Variants in PPP1CB observed in about 807,000 individuals in gnomAD.
The protein encoded by PPP1CB is serine/threonine-protein phosphatase PP1-beta catalytic subunit.
PPP1CB carries 2 observed loss-of-function variants against 43.7 expected under a neutral mutation model. The ratio of observed to expected loss-of-function variants is 0.05; its 90% confidence interval spans 0.02 to 0.14. The LOEUF is 0.14. PPP1CB is among the 10% of genes least tolerant of loss of function. The pLI, the probability that PPP1CB is intolerant of heterozygous loss-of-function variation, is 1.00. For synonymous variants in PPP1CB, 136 were observed against 135.6 expected (o/e 1.00, Z -0.02); for missense variants, 84 against 398.0 (o/e 0.21, Z 6.71).
intron 1 of PPP1CB, among the ~76,000 whole-genome samples, chr2:28,772,612 T>C (rs1380187540): frequency 6.6e-6 from 1 of 152,170 alleles, no homozygotes; most frequent in African/African-American, 2.4e-5. Flanking sequence ...CTGGAAATAA[T>C]CCAAATAGAG....
intron 1 of PPP1CB, among the ~76,000 whole-genome samples, chr2:28,760,683 T>A (rs1001654307): frequency 5.9e-5 from 9 of 152,194 alleles, no homozygotes; most frequent in African/African-American, 2.2e-4. Context: ...GAAATCAAAA[T>A]CTAAGTTTTC....
Position 28,752,228 on chromosome 2 carries a change from C to T in PPP1CB, c.52+52C>T, listed in dbSNP as rs1299306057. ...GAGGGAGGTCGGGCACCGCCGCCGACCCCTGCGTCCCCGTCTGCCGCCGGA... is the reference window on the plus strand; with the variant it reads ...GAGGGAGGTCGGGCACCGCCGCCGATCCCTGCGTCCCCGTCTGCCGCCGGA... On this transcript the variant is annotated intron_variant, in intron 1 of 7. Transcript: ENST00000395366. 8 of 1,451,954 alleles carry T rather than the reference C, an allele frequency of 5.5e-6. No individual in the cohort carries two copies. In the South Asian group the frequency reaches 6.3e-5, roughly 11 times the overall value. The allele number at this position is 1,451,954 out of a possible 1,614,324, so 89.9% of individuals were successfully genotyped here.
intron 1 of PPP1CB, among the ~76,000 whole-genome samples, chr2:28,770,802 C>T (rs897978885): frequency 5.9e-5 from 9 of 152,034 alleles, no homozygotes; most frequent in African/African-American, 2.2e-4. Context: ...ATGTATGAAA[C>T]ATTTACTAAA....
At chr2:28,775,538 G>GT (rs1036827137) in intron 1 of PPP1CB, among the ~76,000 whole-genome samples, 5 of 152,172 alleles carry the variant, frequency 3.3e-5, no homozygotes, top group Admixed American at 2.0e-4. Flanking sequence ...GGCTAATTCT[G>GT]TTTTTTAAAA....
At chr2:28,779,343 G>T (rs1667100831) in intron 3 of PPP1CB, among the ~76,000 whole-genome samples, 1 of 152,202 alleles carries the variant, frequency 6.6e-6, no homozygotes, top group Non-Finnish European at 1.5e-5. Flanking sequence ...TGGTTTTCTA[G>T]TGTCCATTAA....
Position 28,758,355 on chromosome 2 carries a change from C to G in PPP1CB, c.52+6179C>G, listed in dbSNP as rs151233413. On this transcript the variant is annotated intron_variant, in intron 1 of 7. Coordinates refer to ENST00000395366, the MANE Select transcript of PPP1CB (RefSeq NM_002709.3). Reference sequence around the variant, plus strand: ...ATGTTAAGATTCTTAGAAATACTGACTTAAATTCTGTTATGTATTTCTGAA... The same window carrying G: ...ATGTTAAGATTCTTAGAAATACTGAGTTAAATTCTGTTATGTATTTCTGAA... 2.6e-3 allele frequency among the ~76,000 whole-genome samples: 393 copies of G among 152,290 alleles called. 4 individuals are homozygous for G. The highest frequency in any genetic ancestry group is 9.1e-3 in the African/African-American group (378 of 41,530).
At chr2:28,763,896 G>A (rs1350894894) in intron 1 of PPP1CB, among the ~76,000 whole-genome samples, 1 of 148,906 alleles carries the variant, frequency 6.7e-6, no homozygotes, top group Non-Finnish European at 1.5e-5. Context: ...AGTAGAGACG[G>A]GGTTTCAGCA....
At chr2:28,787,384 G>A (rs973180935) in intron 5 of PPP1CB, among the ~76,000 whole-genome samples, 7 of 152,152 alleles carry the variant, frequency 4.6e-5, no homozygotes, top group Non-Finnish European at 1.0e-4. Context: ...GCGTGAACCC[G>A]GGAGGCAGAG....
intron 2 of PPP1CB, chr2:28,778,241 T>A: frequency 7.7e-6 from 3 of 391,880 alleles, no homozygotes; most frequent in South Asian, 5.9e-5. Context: ...TAAGTTAAAC[T>A]ACCAGATAAT....
At chr2:28,785,065 C>CGTTTTTTTTT (rs1667234037) in intron 5 of PPP1CB, among the ~76,000 whole-genome samples, 1 of 55,000 alleles carries the variant, frequency 1.8e-5, no homozygotes, top group African/African-American at 8.3e-5. Context: ...GTGTTAGGAG[C>CGTTTTTTTTT]TTTTTTTTTT....
At chr2:28,758,081 T>C (rs1274515727) in intron 1 of PPP1CB, among the ~76,000 whole-genome samples, 2 of 151,340 alleles carry the variant, frequency 1.3e-5, no homozygotes, top group African/African-American at 4.9e-5. Flanking sequence ...GGTCTGGCTC[T>C]GTCACCCGGT....
Position 28,782,490 on chromosome 2 carries a change from A to G in PPP1CB, c.520+648A>G, listed in dbSNP as rs1179855370. The G allele has an allele frequency of 3.9e-5, 6 of 153,098 alleles. No homozygotes were observed. The East Asian group carries it at 9.5e-4, about 24-fold the overall frequency. The allele number at this position is 153,098 out of a possible 1,614,324, so 9.5% of individuals were successfully genotyped here. A position where few individuals can be genotyped will look rare whatever the true frequency, so the allele number is the denominator to read the frequency against. ...AAAGGTATTTAATATGTCAGAACTT[A>G]TTAAGACACTATGAGAAGTCAGGAG... On this transcript the variant is annotated intron_variant, in intron 4 of 7. Transcript: ENST00000395366.
At chr2:28,774,953 A>G (rs1333652774) in intron 1 of PPP1CB, among the ~76,000 whole-genome samples, 1 of 152,122 alleles carries the variant, frequency 6.6e-6, no homozygotes, top group Non-Finnish European at 1.5e-5. Context: ...GCACATTTGA[A>G]TGTTGTCTGT....
intron 2 of PPP1CB, among the ~76,000 whole-genome samples, chr2:28,778,013 A>G (rs1667077199): frequency 6.6e-6 from 1 of 152,226 alleles, no homozygotes; most frequent in Non-Finnish European, 1.5e-5. Context: ...AGTAAGAGGT[A>G]GTAGTTCAGA....
intron 6 of PPP1CB, among the ~76,000 whole-genome samples, chr2:28,790,325 ATTAT>A (rs1230111512): frequency 6.6e-6 from 1 of 151,970 alleles, no homozygotes; most frequent in East Asian, 1.9e-4. Flanking sequence ...ATAGGTATGA[ATTAT>A]TTAATCTTTT....
At chr2:28,754,279 C>A (rs1048789966) in intron 1 of PPP1CB, among the ~76,000 whole-genome samples, 50 of 120,056 alleles carry the variant, frequency 4.2e-4, no homozygotes, top group African/African-American at 1.3e-3. Flanking sequence ...TAAGTGATTC[C>A]ATTTGTTTTT....
rs984525306 is a variant in PPP1CB at position 28,800,628 on chromosome 2, T to C, written c.*1325T>C. The C allele has an allele frequency of 1.3e-5, 2 of 152,406 alleles. No homozygotes were observed. Among genetic ancestry groups the C allele is most frequent in the African/African-American group, 2.4e-5 (1 of 41,420 alleles). 9.4% of individuals were successfully genotyped at this position (152,406 alleles called of 1,614,324 possible). On this transcript the variant is annotated 3_prime_UTR_variant, in exon 8 of 8. Transcript: ENST00000395366. ...AAGGGTTAGTATTAACAAATGGCAA[T>C]GAGTAGAAAAGTTAACATGAAGATT...
At chr2:28,777,765 G>A (rs1572458147) in intron 2 of PPP1CB, among the ~76,000 whole-genome samples, 2 of 152,282 alleles carry the variant, frequency 1.3e-5, no homozygotes, top group South Asian at 4.1e-4. Flanking sequence ...TGGTTCTCCT[G>A]CCTCAGACTC....
chr2:28,784,402 CTA>C (rs1667216480), intron 5 of PPP1CB, among the ~76,000 whole-genome samples: 1 of 151,918 alleles, frequency 6.6e-6, no homozygotes, highest in Non-Finnish European at 1.5e-5. Flanking sequence ...TTGTTATTTT[CTA>C]TGTCCTCTAT....
Sources: gnomAD v4.1 joint callset for allele counts (sites outside exome capture counted in the v4.1 genomes callset) on GRCh38, gnomAD v4.1.1 for gene constraint, MANE v1.5 for transcripts, NCBI Gene and HGNC (gene_info 2026-07-23, HGNC 2026-07-21) for gene names.